The following RHOU variants were observed in gnomAD, a reference collection of about 807,000 sequenced individuals.
The protein encoded by RHOU is rho-related GTP-binding protein RhoU.
RHOU carries 8 observed loss-of-function variants against 12.6 expected under a neutral mutation model. The ratio of observed to expected loss-of-function variants is 0.64; its 90% CI spans 0.37 to 1.15. The LOEUF (loss-of-function observed/expected upper bound fraction) is 1.15. Among genes scored for constraint, RHOU ranks in the 50% most tolerant of loss-of-function variants. The pLI, the probability that RHOU is intolerant of heterozygous loss-of-function variation, is 0.01. For synonymous variants in RHOU, 161 were observed against 147.4 expected, an observed-to-expected ratio of 1.09 and a Z score of -0.67; for missense variants, 258 against 347.0, an observed-to-expected ratio of 0.74 and a Z score of 2.04.
At chr1:228,712,252 C>T in the RHOU span, among the ~76,000 whole-genome samples, 398 of 150,454 alleles carry the variant, frequency 2.6e-3, 2 homozygotes, top group African/African-American at 9.0e-3. Flanking sequence ...GTCAGTGTGG[C>T]GATTCCTCAG....
the RHOU span, chr1:228,650,303 C>T: frequency 2.2e-6 from 1 of 464,652 alleles, no homozygotes; most frequent in South Asian, 1.5e-5. Context: ...GAGGCAGCGG[C>T]GGGCTGGATG....
the RHOU span, among the ~76,000 whole-genome samples, chr1:228,689,115 C>G: frequency 6.6e-6 from 1 of 152,218 alleles, no homozygotes; most frequent in Non-Finnish European, 1.5e-5. Context: ...TCCCTCATCC[C>G]TGAATAACCC....
chr1:228,684,927 A>C, the RHOU span, among the ~76,000 whole-genome samples: 1 of 152,206 alleles, frequency 6.6e-6, no homozygotes, highest in Non-Finnish European at 1.5e-5. Flanking sequence ...GTTTACTAGG[A>C]AAGTGGAGGA....
the RHOU span, among the ~76,000 whole-genome samples, chr1:228,675,892 CTT>C: frequency 1.3e-5 from 2 of 151,618 alleles, no homozygotes; most frequent in African/African-American, 4.9e-5. Flanking sequence ...TTTCAGGTTT[CTT>C]TGGAGAGTGA....
chr1:228,701,911 C>G, the RHOU span, among the ~76,000 whole-genome samples: 3 of 151,588 alleles, frequency 2.0e-5, no homozygotes, highest in African/African-American at 7.3e-5. Context: ...AATTTTAACT[C>G]TTAGTCACCC....
chr1:228,652,271 G>A, the RHOU span, among the ~76,000 whole-genome samples: 2 of 152,194 alleles, frequency 1.3e-5, no homozygotes, highest in Admixed American at 1.3e-4. Flanking sequence ...CCTTCTATGT[G>A]TTGTGTCTCT....
At chr1:228,657,313 AAAGAAT>A in the RHOU span, among the ~76,000 whole-genome samples, 2 of 150,536 alleles carry the variant, frequency 1.3e-5, no homozygotes, top group African/African-American at 2.4e-5. Context: ...GGAAAAAGAA[AAAGAAT>A]AAAAAAAAAA....
the RHOU span, among the ~76,000 whole-genome samples, chr1:228,695,901 C>G: frequency 6.6e-6 from 1 of 152,184 alleles, no homozygotes; most frequent in African/African-American, 2.4e-5. Context: ...GAGTACCAGC[C>G]CTCTAATCCT....
chr1:228,725,412 G>A, the RHOU span, among the ~76,000 whole-genome samples: 1 of 96,480 alleles, frequency 1.0e-5, no homozygotes, highest in Non-Finnish European at 1.9e-5. Context: ...CTGCAATCCT[G>A]GGGGCTGTGG....
the RHOU span, chr1:228,687,862 A>G: frequency 1.0e-4 from 106 of 1,023,782 alleles, no homozygotes; most frequent in African/African-American, 1.3e-3. Flanking sequence ...CGTGGGAGTG[A>G]CTTCCCTGGT....
At chr1:228,683,932 G>A in the RHOU span, among the ~76,000 whole-genome samples, 1 of 152,240 alleles carries the variant, frequency 6.6e-6, no homozygotes, top group Non-Finnish European at 1.5e-5. Flanking sequence ...GAAGACAATT[G>A]GAATGATGGG....
At chr1:228,707,265 T>TA in the RHOU span, among the ~76,000 whole-genome samples, 801 of 104,236 alleles carry the variant, frequency 7.7e-3, 17 homozygotes, top group African/African-American at 0.035. Context: ...AGTGTGTGTG[T>TA]GTGTGTGTGT....
the RHOU span, among the ~76,000 whole-genome samples, chr1:228,694,029 C>T: frequency 1.5e-3 from 229 of 152,274 alleles, 1 homozygote; most frequent in African/African-American, 5.4e-3. Context: ...AACCAGATCT[C>T]AAAATTTGCA....
the RHOU span, among the ~76,000 whole-genome samples, chr1:228,703,736 G>T: frequency 6.6e-6 from 1 of 152,066 alleles, no homozygotes; most frequent in Non-Finnish European, 1.5e-5. Flanking sequence ...AAGAATCAAG[G>T]CCATTTAATC....
chr1:228,736,025 G>T, intron 1 of RHOU, 21 bp downstream of exon 1: 1 of 1,569,156 alleles, frequency 6.4e-7, no homozygotes, highest in Non-Finnish European at 8.6e-7. Context: ...CGGGGGGCCG[G>T]GGCCGGGGGC....
chr1:228,743,445 C>G lies in RHOU; in HGVS notation c.482C>G (p.Thr161Arg). The change falls in exon 3 of 3, where the codon ACG becomes AGG. Residue 161 changes from threonine to arginine, a missense_variant. Physicochemically the swap from Thr to Arg is moderately conservative, Grantham distance 71. Transcript: ENST00000366691. The surrounding 1 kb of genome is among the most constrained non-coding windows in gnomAD (Gnocchi z 5.1). ...CPKAPIILVG[T>R]QSDLREDVKV... ...AAAGCCCCCATCATCCTAGTTGGAACGCAGTCGGATCTCAGAGAAGATGTC... is the reference window on the plus strand; with the variant it reads ...AAAGCCCCCATCATCCTAGTTGGAAGGCAGTCGGATCTCAGAGAAGATGTC... 2.5e-6 allele frequency: 4 copies of G among 1,614,126 alleles called. No homozygotes were observed. Among genetic ancestry groups the G allele is most frequent in the Non-Finnish European group, 3.4e-6 (4 of 1,180,024 alleles).
At chr1:228,664,536 T>G in the RHOU span, among the ~76,000 whole-genome samples, 2 of 152,134 alleles carry the variant, frequency 1.3e-5, no homozygotes, top group African/African-American at 4.8e-5. Flanking sequence ...CCCAACAGTT[T>G]ATTAAAACAA....
the RHOU span, among the ~76,000 whole-genome samples, chr1:228,707,267 T>TATATATATATA: frequency 3.7e-5 from 4 of 107,580 alleles, no homozygotes; most frequent in African/African-American, 1.3e-4. Context: ...TGTGTGTGTG[T>TATATATATATA]GTGTGTGTGT....
At chr1:228,709,990 T>A in the RHOU span, among the ~76,000 whole-genome samples, 1 of 151,854 alleles carries the variant, frequency 6.6e-6, no homozygotes, top group Non-Finnish European at 1.5e-5. Context: ...CACCACCAAT[T>A]CCACAGAAAT....
Sources: gnomAD v4.1 joint callset for allele counts (sites outside exome capture counted in the v4.1 genomes callset) on GRCh38, gnomAD v4.1.1 for gene constraint, Gnocchi (gnomAD v3.1) non-coding constraint, MANE v1.5 for transcripts, NCBI Gene and HGNC (gene_info 2026-07-23, HGNC 2026-07-21) for gene names.